TMEM132D: variants seen among roughly 807,000 people sequenced by gnomAD.
The protein encoded by TMEM132D is transmembrane protein 132D, also known as mature OL transmembrane protein.
TMEM132D carries 21 observed loss-of-function variants against 62.3 expected under a neutral mutation model. The ratio of observed to expected loss-of-function variants is 0.34; its 90% CI spans 0.24 to 0.49. The LOEUF (loss-of-function observed/expected upper bound fraction) is 0.49. Ranked by LOEUF, TMEM132D falls within the 20% of genes least tolerant of loss-of-function variation. TMEM132D has a pLI of 0.99. For synonymous variants in TMEM132D, 621 were observed against 575.6 expected (o/e 1.08, Z -1.13); for missense variants, 1,346 against 1,402.8 (o/e 0.96, Z 0.65).
At chr12:129,113,406 C>T (rs1875787541) in intron 5 of TMEM132D, 1 of 152,188 alleles carries the variant, frequency 6.6e-6, no homozygotes. Context: ...TTCACTCACT[C>T]TTTTAATAAA....
intron 3 of TMEM132D, among the ~76,000 whole-genome samples, chr12:129,523,980 C>A (rs2137083223): frequency 6.6e-6 from 1 of 152,212 alleles, no homozygotes; most frequent in East Asian, 1.9e-4. Flanking sequence ...CAGAAAATAT[C>A]TTTGCATACT....
intron 5 of TMEM132D, among the ~76,000 whole-genome samples, chr12:129,090,953 G>A (rs7136646): frequency 0.043 from 6,522 of 152,160 alleles, 493 homozygotes; most frequent in African/African-American, 0.15. Flanking sequence ...TGTTTCTCTC[G>A]GGTCATGTCT....
chr12:129,336,566 C>G (rs565442661), intron 4 of TMEM132D, among the ~76,000 whole-genome samples: 4 of 146,044 alleles, frequency 2.7e-5, no homozygotes, highest in Admixed American at 2.7e-4. Context: ...ACTGGCACTC[C>G]GTCAAAAAGA....
At chr12:129,609,176 C>G (rs1041527592) in intron 2 of TMEM132D, among the ~76,000 whole-genome samples, 5 of 152,066 alleles carry the variant, frequency 3.3e-5, no homozygotes, top group Non-Finnish European at 7.4e-5. Flanking sequence ...AACTCCTGAC[C>G]TCAGGCGATC....
intron 2 of TMEM132D, among the ~76,000 whole-genome samples, chr12:129,555,487 A>C (rs1387361429): frequency 1.3e-5 from 2 of 152,260 alleles, no homozygotes; most frequent in Non-Finnish European, 2.9e-5. Flanking sequence ...TAGCTAGGGA[A>C]GCAACCATAC....
intron 3 of TMEM132D, among the ~76,000 whole-genome samples, chr12:129,397,144 T>A (rs1871454675): frequency 1.3e-5 from 2 of 152,236 alleles, no homozygotes; most frequent in Admixed American, 6.5e-5. Context: ...TTCAAAGATG[T>A]AGATAGAGCC....
chr12:129,512,917 C>T (rs973076014), intron 3 of TMEM132D, among the ~76,000 whole-genome samples: 17 of 152,308 alleles, frequency 1.1e-4, no homozygotes, highest in Admixed American at 9.8e-4. Flanking sequence ...CAAGTTACTA[C>T]ATCTAACCCG....
At chr12:129,600,283 C>T (rs1878451053) in intron 2 of TMEM132D, among the ~76,000 whole-genome samples, 1 of 152,228 alleles carries the variant, frequency 6.6e-6, no homozygotes, top group South Asian at 2.1e-4. Context: ...GTGTCATGAG[C>T]TTGCAGCCAT....
At chr12:129,251,319 G>A (rs1322174373) in intron 4 of TMEM132D, among the ~76,000 whole-genome samples, 3 of 127,624 alleles carry the variant, frequency 2.4e-5, no homozygotes, top group African/African-American at 6.1e-5. Flanking sequence ...AGATTGCACC[G>A]CTAAACTCCA....
chr12:129,574,229 A>G (rs1877595718), intron 2 of TMEM132D, among the ~76,000 whole-genome samples: 1 of 151,982 alleles, frequency 6.6e-6, no homozygotes, highest in African/African-American at 2.4e-5. Flanking sequence ...ACAGATTGAT[A>G]GATATGTGAT....
At chr12:129,870,545 G>A (rs939063623) in intron 1 of TMEM132D, among the ~76,000 whole-genome samples, 3 of 152,174 alleles carry the variant, frequency 2.0e-5, no homozygotes, top group African/African-American at 7.2e-5. Flanking sequence ...AGGAGAGAGC[G>A]CAAAAGCTCG....
intron 3 of TMEM132D, among the ~76,000 whole-genome samples, chr12:129,399,895 G>GT (rs1265787794): frequency 1.1e-4 from 17 of 150,584 alleles, no homozygotes; most frequent in African/African-American, 4.0e-4. Flanking sequence ...GTGTGTGTGT[G>GT]GGGGGGTATA....
At chr12:129,247,445 T>G (rs1364926292) in intron 4 of TMEM132D, among the ~76,000 whole-genome samples, 1 of 152,206 alleles carries the variant, frequency 6.6e-6, no homozygotes, top group Non-Finnish European at 1.5e-5. Flanking sequence ...GGTATTGAAA[T>G]AGGTCATGCT....
chr12:129,259,933 A>G (rs1880510268), intron 4 of TMEM132D, among the ~76,000 whole-genome samples: 1 of 151,958 alleles, frequency 6.6e-6, no homozygotes, highest in South Asian at 2.1e-4. Flanking sequence ...CAAATTGGGA[A>G]GAACTGGAAC....
At chr12:129,682,884 A>G (rs1343006525) in intron 2 of TMEM132D, 1 of 143,918 alleles carries the variant, frequency 6.9e-6, no homozygotes, top group Non-Finnish European at 1.5e-5. Flanking sequence ...AAAAAAAAAG[A>G]GACTTACAGA....
At chr12:129,339,884 C>G (rs12371597) in intron 3 of TMEM132D, among the ~76,000 whole-genome samples, 46,224 of 152,104 alleles carry the variant, frequency 0.3, 7,925 homozygotes, top group South Asian at 0.38. Flanking sequence ...TACACAATAA[C>G]TGCCCATATG....
rs1869633693 is a variant in TMEM132D, at chr12:129,742,255, C to A, written c.80-41557G>T. On this transcript the variant is annotated intron_variant, in intron 1 of 8. Coordinates refer to ENST00000422113, the MANE Select transcript of TMEM132D (RefSeq NM_133448.3). ...AAAGAAAAGAGGTTTATTTGGCACA[C>A]AGTTCTGCCAGCTGTGCAAGTATGG... is the stretch of plus-strand genomic sequence containing the variant. Among the ~76,000 whole-genome samples, 3 of 152,194 alleles carry A rather than the reference C, an allele frequency of 2.0e-5. No homozygotes were observed. In the South Asian group the frequency reaches 6.2e-4, roughly 32 times the overall value.
In TMEM132D at chr12:129,373,493, T is replaced by G. The variant is rs530775317; in HGVS notation, c.1116-35676A>C. ...TAAAAATACAAAAAATTAGCCAGGC[T>G]CGGTGGCGGGCGCCTGTAGTCCCAG... On this transcript the variant is annotated intron_variant, in intron 3 of 8. Transcript: ENST00000422113. Among the ~76,000 whole-genome samples the G allele has an allele frequency of 3.3e-5, 5 of 151,376 alleles. No individual in the cohort carries two copies. The East Asian group carries it at 9.8e-4, about 30-fold the overall frequency.
At position 129,489,468 on chromosome 12, in the gene TMEM132D, A is replaced by G. The variant is rs2398461; in HGVS notation, c.1115+41591T>C. Among the ~76,000 whole-genome samples the G allele has an allele frequency of 7.6e-3, 1,158 of 152,316 alleles. 13 individuals are homozygous for G. The highest frequency in any genetic ancestry group is 0.026 in the African/African-American group (1,079 of 41,566). On this transcript the variant is annotated intron_variant, in intron 3 of 8. Transcript: ENST00000422113. ...TTTTCTCCTGGGTCATAATTTTGAG[A>G]TACTGTTATATGCCTACAATAAAAT...
Sources: allele counts gnomAD v4.1 joint callset (sites outside exome capture counted in the v4.1 genomes callset), GRCh38; gene constraint gnomAD v4.1.1; transcripts MANE v1.5; gene names NCBI Gene and HGNC (gene_info 2026-07-23, HGNC 2026-07-21).